Variants in TAFA1 observed in about 807,000 individuals in gnomAD.
The protein encoded by TAFA1 is chemokine-like protein TAFA-1.
Under a neutral mutation model 18.5 loss-of-function variants are expected in TAFA1, and 4 were observed. The ratio of observed to expected loss-of-function variants is 0.22; its 90% CI spans 0.11 to 0.49. The LOEUF is 0.49. TAFA1 is among the 20% of genes least tolerant of loss of function. TAFA1 has a pLI of 0.98. For missense variants in TAFA1, 147 were observed against 169.0 expected (o/e 0.87, Z 0.72); for synonymous variants, 56 against 55.2 (o/e 1.01, Z -0.06).
intron 2 of TAFA1, among the ~76,000 whole-genome samples, chr3:68,364,507 G>A (rs2069529650): frequency 6.6e-6 from 1 of 152,036 alleles, no homozygotes; most frequent in East Asian, 1.9e-4. Flanking sequence ...AATTAAAGAG[G>A]GTAAAGATAA....
At chr3:68,137,443 T>A (rs1284673982) in intron 2 of TAFA1, among the ~76,000 whole-genome samples, 1 of 152,196 alleles carries the variant, frequency 6.6e-6, no homozygotes, top group Non-Finnish European at 1.5e-5. Context: ...AATTGCAGCA[T>A]ACCTGTGAGT....
intron 2 of TAFA1, among the ~76,000 whole-genome samples, chr3:68,324,497 C>T (rs953289599): frequency 6.6e-6 from 1 of 152,122 alleles, no homozygotes; most frequent in Non-Finnish European, 1.5e-5. Flanking sequence ...CTTGGAAGTG[C>T]AAGGAGTCAC....
chr3:68,374,951 T>A (rs867147770), intron 2 of TAFA1, among the ~76,000 whole-genome samples: 4 of 151,892 alleles, frequency 2.6e-5, no homozygotes, highest in Admixed American at 6.6e-5. Context: ...AAGAAGAGCA[T>A]TGTCTCCAAC....
intron 2 of TAFA1, among the ~76,000 whole-genome samples, chr3:68,122,560 A>G (rs1017251297): frequency 6.6e-6 from 1 of 152,194 alleles, no homozygotes; most frequent in Non-Finnish European, 1.5e-5. Context: ...GTATCAGGAG[A>G]GAAAATGAGT....
At chr3:67,997,709 A>T in the TAFA1 span, among the ~76,000 whole-genome samples, 1 of 145,678 alleles carries the variant, frequency 6.9e-6, no homozygotes. Context: ...TTAAGCCCAC[A>T]CCAAGAAAAT....
At chr3:68,210,725 A>G (rs2066586586) in intron 2 of TAFA1, among the ~76,000 whole-genome samples, 1 of 151,968 alleles carries the variant, frequency 6.6e-6, no homozygotes, top group South Asian at 2.1e-4. Flanking sequence ...CCTTTTTGTA[A>G]TGTTTACTAT....
intron 3 of TAFA1, among the ~76,000 whole-genome samples, chr3:68,485,594 G>T (rs915594548): frequency 6.6e-6 from 1 of 152,174 alleles, no homozygotes; most frequent in Non-Finnish European, 1.5e-5. Context: ...TCCAATAAAT[G>T]TAAGCAAATT....
At chr3:67,999,287 C>CTGTGTGTGTGTGTGTGTGTGTGTGTG (rs796820506), upstream of TAFA1, among the ~76,000 whole-genome samples, 68 of 147,760 alleles carry the variant, frequency 4.6e-4, no homozygotes, top group African/African-American at 1.6e-3. Flanking sequence ...CCCCCTCTCT[C>CTGTGTGTGTGTGTGTGTGTGTGTGTG]TGTGTGTGTG....
chr3:68,461,559 AC>A (rs1407728291), intron 3 of TAFA1, among the ~76,000 whole-genome samples: 1 of 151,100 alleles, frequency 6.6e-6, no homozygotes, highest in Non-Finnish European at 1.5e-5. Flanking sequence ...TTAGTATACC[AC>A]CCTTGCCATA....
chr3:68,435,407 G>A (rs191872693), intron 3 of TAFA1, among the ~76,000 whole-genome samples: 3 of 152,280 alleles, frequency 2.0e-5, no homozygotes, highest in East Asian at 3.9e-4. Flanking sequence ...CCCAAGAGCA[G>A]TGGAATCAGG....
intron 2 of TAFA1, among the ~76,000 whole-genome samples, chr3:68,099,101 G>T (rs2083516240): frequency 6.6e-6 from 1 of 152,126 alleles, no homozygotes; most frequent in African/African-American, 2.4e-5. Context: ...TCTTGGGAAA[G>T]AATTTACGAC....
At chr3:68,475,001 C>G (rs976500339) in intron 3 of TAFA1, among the ~76,000 whole-genome samples, 1 of 151,748 alleles carries the variant, frequency 6.6e-6, no homozygotes, top group East Asian at 2.0e-4. Flanking sequence ...TAGCTAAGAT[C>G]GTACTTCTTT....
intron 2 of TAFA1, among the ~76,000 whole-genome samples, chr3:68,325,749 A>G (rs2068766491): frequency 6.6e-6 from 1 of 152,186 alleles, no homozygotes; most frequent in African/African-American, 2.4e-5. Flanking sequence ...GTTAATCATA[A>G]TAGCTGGCAC....
chr3:68,463,632 A>G (rs1056446888), intron 3 of TAFA1, among the ~76,000 whole-genome samples: 1 of 152,248 alleles, frequency 6.6e-6, no homozygotes, highest in East Asian at 1.9e-4. Context: ...CCAAATTTTC[A>G]TAGAAAAGAA....
rs189164315 is a variant in TAFA1, at chr3:68,541,769, G to T, written c.385-2717G>T. ...CAATATAAAGATAATCCAGGGAAAGGTTCCTGGGACTTCATTCTCTTTCCT... is the reference window on the plus strand; with the variant it reads ...CAATATAAAGATAATCCAGGGAAAGTTTCCTGGGACTTCATTCTCTTTCCT... On this transcript the variant is annotated intron_variant, in intron 4 of 4. Coordinates refer to ENST00000478136, the MANE Select transcript of TAFA1 (RefSeq NM_213609.4). Among the ~76,000 whole-genome samples, 5 of 152,238 alleles carry T rather than the reference G, an allele frequency of 3.3e-5. No homozygotes were observed. The East Asian group carries it at 7.7e-4, about 24-fold the overall frequency.
intron 3 of TAFA1, among the ~76,000 whole-genome samples, chr3:68,457,919 C>G (rs960419281): frequency 6.6e-6 from 1 of 152,052 alleles, no homozygotes; most frequent in Non-Finnish European, 1.5e-5. Flanking sequence ...TGACATTGTC[C>G]CATAGACCAT....
In TAFA1 at chr3:68,063,224, C is replaced by T. The variant is rs538072823; in HGVS notation, c.118+56480C>T. Among the ~76,000 whole-genome samples the T allele has an allele frequency of 8.5e-5, 13 of 152,260 alleles. No homozygotes were observed. The South Asian group carries it at 2.3e-3, about 27-fold the overall frequency. ...GTGAATCAAAGCTTATTTGAAATCC[C>T]ATATGTAAAATAAACTCAGGGCTGC... On this transcript the variant is annotated intron_variant, in intron 2 of 4. Coordinates refer to ENST00000478136, the MANE Select transcript of TAFA1 (RefSeq NM_213609.4).
chr3:68,302,649 G>A (rs144823162), intron 2 of TAFA1, among the ~76,000 whole-genome samples: 1 of 151,870 alleles, frequency 6.6e-6, no homozygotes, highest in African/African-American at 2.4e-5. Context: ...CTAAGACAAT[G>A]TCTGGTATCG....
At chr3:68,013,025 T>A (rs1233306022) in intron 2 of TAFA1, among the ~76,000 whole-genome samples, 1 of 151,432 alleles carries the variant, frequency 6.6e-6, no homozygotes, top group South Asian at 2.1e-4. Flanking sequence ...TTCCAGACAC[T>A]TTTTTTTTCG....
Sources: allele counts gnomAD v4.1 joint callset (sites outside exome capture counted in the v4.1 genomes callset), GRCh38; gene constraint gnomAD v4.1.1; transcripts MANE v1.5; gene names NCBI Gene and HGNC (gene_info 2026-07-23, HGNC 2026-07-21).